The following HDAC9 variants were observed in gnomAD, a reference collection of about 807,000 sequenced individuals.
HDAC9 encodes MEF-2 interacting transcription repressor (MITR) protein.
Under a neutral mutation model 139.4 loss-of-function variants are expected in HDAC9, and 41 were observed. That is an observed-to-expected ratio of 0.29 (90% CI 0.23 to 0.38). HDAC9 has a LOEUF of 0.38. Ranked by LOEUF, HDAC9 falls within the 10% of genes least tolerant of loss-of-function variation. The pLI is 1.00. For synonymous variants in HDAC9, 517 were observed against 476.2 expected (o/e 1.09, Z -1.12); for missense variants, 1,147 against 1,297.0 (o/e 0.88, Z 1.78).
chr7:18,419,727 AT>A (rs549654755), intron 1 of HDAC9, among the ~76,000 whole-genome samples: 64 of 149,992 alleles, frequency 4.3e-4, no homozygotes, highest in Middle Eastern at 3.4e-3. Flanking sequence ...AGTGTGACCC[AT>A]TTTTTTTTTA....
intron 17 of HDAC9, among the ~76,000 whole-genome samples, chr7:18,820,177 A>G (rs1248611330): frequency 6.6e-6 from 1 of 150,758 alleles, no homozygotes; most frequent in Non-Finnish European, 1.5e-5. Flanking sequence ...TCTTTCTTGC[A>G]TATGTCTTCT....
At chr7:18,414,691 A>G (rs541567262) in intron 1 of HDAC9, among the ~76,000 whole-genome samples, 4 of 152,342 alleles carry the variant, frequency 2.6e-5, no homozygotes, top group African/African-American at 7.2e-5. Flanking sequence ...AAGAATATCA[A>G]TGTTTACTTC....
intron 22 of HDAC9, among the ~76,000 whole-genome samples, chr7:18,876,526 A>G (rs1051933658): frequency 1.3e-5 from 2 of 152,206 alleles, no homozygotes; most frequent in African/African-American, 4.8e-5. Flanking sequence ...AACAGATTGT[A>G]GTTGAAACTC....
At chr7:18,491,119 C>G (rs1796333463), upstream of HDAC9, among the ~76,000 whole-genome samples, 1 of 151,742 alleles carries the variant, frequency 6.6e-6, no homozygotes, top group African/African-American at 2.4e-5. Flanking sequence ...TAGAAGAAAG[C>G]CTATTATAAT....
intron 2 of HDAC9, among the ~76,000 whole-genome samples, chr7:18,168,876 CTT>C (rs1420072885): frequency 1.5e-5 from 1 of 68,398 alleles, no homozygotes; most frequent in Admixed American, 1.6e-4. Context: ...GTGCAAATGT[CTT>C]GTTTTTTTTT....
intron 23 of HDAC9, among the ~76,000 whole-genome samples, chr7:18,937,888 T>C (rs17140345): frequency 1.3e-5 from 2 of 152,134 alleles, no homozygotes; most frequent in African/African-American, 4.8e-5. Flanking sequence ...TCTATACTCA[T>C]AATCTTTTGC....
intron 17 of HDAC9, among the ~76,000 whole-genome samples, chr7:18,814,906 C>T (rs1242428826): frequency 6.6e-6 from 1 of 152,074 alleles, no homozygotes; most frequent in Non-Finnish European, 1.5e-5. Context: ...CAATTAGTTA[C>T]TCTTTAAATT....
chr7:18,505,393 G>A (rs1336937473), intron 2 of HDAC9, among the ~76,000 whole-genome samples: 2 of 152,116 alleles, frequency 1.3e-5, no homozygotes, highest in African/African-American at 2.4e-5. Flanking sequence ...GGTTAATAAA[G>A]CCTATATCAC....
chr7:18,541,791 G>C (rs1310542908), intron 2 of HDAC9, among the ~76,000 whole-genome samples: 2 of 152,164 alleles, frequency 1.3e-5, no homozygotes, highest in Admixed American at 1.3e-4. Flanking sequence ...CAAGCAGACT[G>C]TGAGTGGAAT....
intron 2 of HDAC9, among the ~76,000 whole-genome samples, chr7:18,167,891 G>A (rs1788115345): frequency 6.6e-6 from 1 of 152,128 alleles, no homozygotes; most frequent in South Asian, 2.1e-4. Flanking sequence ...CTGCAGATAC[G>A]GTATTGCTTA....
chr7:18,620,891 GT>G (rs1340571963), intron 6 of HDAC9, among the ~76,000 whole-genome samples: 2 of 151,944 alleles, frequency 1.3e-5, no homozygotes, highest in Non-Finnish European at 2.9e-5. Context: ...TGTGATAAAC[GT>G]TAAGAATTAA....
intron 17 of HDAC9, among the ~76,000 whole-genome samples, chr7:18,795,257 TAAAAAAAAAA>T (rs5882676): frequency 9.2e-5 from 6 of 65,496 alleles, no homozygotes; most frequent in South Asian, 6.2e-4. Flanking sequence ...AAGAAAACAG[TAAAAAAAAAA>T]AAAAAAAAAA....
chr7:18,957,941 G>A (rs1783271995), intron 24 of HDAC9, among the ~76,000 whole-genome samples: 1 of 152,138 alleles, frequency 6.6e-6, no homozygotes, highest in South Asian at 2.1e-4. Flanking sequence ...AAACATTCAG[G>A]CAAGTCTCTA....
At chr7:18,334,899 G>A (rs988633501) in intron 1 of HDAC9, among the ~76,000 whole-genome samples, 1 of 151,356 alleles carries the variant, frequency 6.6e-6, no homozygotes, top group East Asian at 1.9e-4. Context: ...CATAATGGTA[G>A]GTTAAAAATG....
Position 18,955,829 on chromosome 7 carries a change from A to T in HDAC9, c.3022+1599A>T, listed in dbSNP as rs181997543. Among the ~76,000 whole-genome samples, 396 of 152,228 alleles carry T rather than the reference A, an allele frequency of 2.6e-3. 3 individuals are homozygous for T. Among genetic ancestry groups the T allele is most frequent in the African/African-American group, 9.0e-3 (375 of 41,564 alleles). ...GTGATATAGCCTGAGCTTGGTTCTT[A>T]AGGGCTGAACAGCATGTTGAATAAC... On this transcript the variant is annotated intron_variant, in intron 24 of 25. Coordinates refer to ENST00000686413, the MANE Select transcript of HDAC9 (RefSeq NM_178425.4).
intron 11 of HDAC9, among the ~76,000 whole-genome samples, chr7:18,654,284 T>C (rs566093518): frequency 5.3e-5 from 8 of 152,286 alleles, no homozygotes; most frequent in Admixed American, 5.2e-4. Context: ...TTTGACTTTT[T>C]GCTGCACCTA....
intron 13 of HDAC9, among the ~76,000 whole-genome samples, chr7:18,746,972 C>G (rs1788028091): frequency 6.6e-6 from 1 of 152,060 alleles, no homozygotes; most frequent in Admixed American, 6.5e-5. Flanking sequence ...ACATTAAAAA[C>G]TGAGCCTTGA....
At chr7:18,446,516 G>A (rs1792310889) in intron 1 of HDAC9, among the ~76,000 whole-genome samples, 1 of 152,008 alleles carries the variant, frequency 6.6e-6, no homozygotes, top group South Asian at 2.1e-4. Context: ...AAATATATTA[G>A]GTTTTTTAAT....
chr7:18,149,756 G>C (rs1015224864), intron 1 of HDAC9, among the ~76,000 whole-genome samples: 5 of 151,902 alleles, frequency 3.3e-5, no homozygotes, highest in Admixed American at 1.3e-4. Context: ...GGGTTTCACT[G>C]TGTTAGCCAG....
Sources: allele counts gnomAD v4.1 joint callset (sites outside exome capture counted in the v4.1 genomes callset), GRCh38; gene constraint gnomAD v4.1.1; transcripts MANE v1.5; gene names NCBI Gene and HGNC (gene_info 2026-07-23, HGNC 2026-07-21).